ZNF574: variants seen among roughly 807,000 people sequenced by gnomAD.
The protein encoded by ZNF574 is zinc finger protein 574.
Under a neutral mutation model 56.6 loss-of-function variants are expected in ZNF574, and 25 were observed. The observed-to-expected ratio is 0.44, with a 90% CI of 0.32 to 0.62. The LOEUF (loss-of-function observed/expected upper bound fraction) is 0.62, where lower values mean the gene tolerates loss of function less well. Ranked by LOEUF, ZNF574 falls within the 20% of genes least tolerant of loss-of-function variation. The pLI, the probability that ZNF574 is intolerant of heterozygous loss-of-function variation, is 0.04. For synonymous variants in ZNF574, 543 were observed against 492.1 expected, an observed-to-expected ratio of 1.10 and a Z score of -1.37; for missense variants, 1,065 against 1,218.9, an observed-to-expected ratio of 0.87 and a Z score of 1.88.
chr19:42,079,490 G>A lies in ZNF574; in HGVS notation c.884G>A (p.Arg295Lys), dbSNP rs777373521. 2.4e-5 allele frequency: 39 copies of A among 1,613,726 alleles called. No individual in the cohort carries two copies. The highest frequency in any genetic ancestry group is 3.1e-5 in the Non-Finnish European group (37 of 1,180,050). ...GATCGCCGGGGGCGCAGGGCCCGGA[G>A]GAACAACAGTGGAGAAGCAGGCGGG... is the stretch of plus-strand genomic sequence containing the variant. ...GRDRRGRRAR[R>K]NNSGEAGGAA... Residue 295 changes from arginine (R) to lysine (K), a missense_variant, in exon 2 of 2, where the codon AGG becomes AAG. By Grantham distance (26) the Arg-to-Lys change is conservative. Coordinates refer to ENST00000359044, the MANE Select transcript of ZNF574 (RefSeq NM_022752.6). This position sits in a 1 kb window ranked among gnomAD's most constrained non-coding sequence, Gnocchi z 4.3.
In ZNF574 at chr19:42,080,872, C is replaced by A. The variant is rs2076495018; in HGVS notation, c.2266C>A (p.His756Asn). The A allele has an allele frequency of 1.2e-6, 2 of 1,614,122 alleles. No homozygotes were observed. The highest frequency in any genetic ancestry group is 1.7e-6 in the Non-Finnish European group (2 of 1,180,048). ...LFSTETSLQV[H>N]RRIHTGERPY... is the part of the protein sequence containing the mutation. ...CAGCACAGAGACGTCACTGCAGGTG[C>A]ACCGGCGCATCCACACAGGTGAGCG... Residue 756 changes from histidine to asparagine, a missense_variant, in exon 2 of 2, where the codon CAC (histidine) becomes AAC (asparagine). Physicochemically the swap from His to Asn is moderately conservative, Grantham distance 68. Coordinates refer to ENST00000359044, the MANE Select transcript of ZNF574 (RefSeq NM_022752.6). The surrounding 1 kb of genome is among the most constrained non-coding windows in gnomAD (Gnocchi z 8.5).
At position 42,079,184 on chromosome 19, in the gene ZNF574, C is replaced by T. The variant is rs763999017; in HGVS notation, c.578C>T (p.Ala193Val). 139 of 1,613,660 alleles carry T rather than the reference C, an allele frequency of 8.6e-5. No homozygotes were observed. Among genetic ancestry groups the T allele is most frequent in the Non-Finnish European group, 1.1e-4 (128 of 1,179,996 alleles). The change falls in exon 2 of 2, where the codon GCG (alanine) becomes GTG (valine). Residue 193 changes from alanine to valine, a missense_variant. Ala to Val is a moderately conservative substitution (Grantham distance 64, BLOSUM62 0). Coordinates refer to ENST00000359044, the MANE Select transcript of ZNF574 (RefSeq NM_022752.6). The surrounding 1 kb of genome is among the most constrained non-coding windows in gnomAD (Gnocchi z 4.3). ...AAGGCAGAAGAGGGTGGGGAAGGGG[C>T]GACTGTCCCATCTGCCGCTGCCACC... Reference protein sequence around the residue: ...YRKAEEGGEGATVPSAAATTT... With the variant: ...YRKAEEGGEGVTVPSAAATTT...
upstream of ZNF574, among the ~76,000 whole-genome samples, chr19:42,071,614 G>A (rs144798747): frequency 3.3e-5 from 5 of 152,146 alleles, no homozygotes; most frequent in South Asian, 2.1e-4. Flanking sequence ...CATCTACACC[G>A]CCCCCTCAAA....
chr19:42,079,564 T>A lies in ZNF574; in HGVS notation c.958T>A (p.Ser320Thr). ...CTCAGCCTGTGACCAGCTCTTTCTC[T>A]CACCCCACCAGCTACAGCAGCACCT... ...FCSACDQLFLSPHQLQQHLRS... is the reference protein window; with the variant it reads ...FCSACDQLFLTPHQLQQHLRS... The change falls in exon 2 of 2, where the codon TCA (serine) becomes ACA (threonine). Residue 320 changes from serine to threonine, a missense_variant. Ser to Thr is a moderately conservative substitution (Grantham distance 58). Coordinates refer to ENST00000359044, the MANE Select transcript of ZNF574 (RefSeq NM_022752.6). The surrounding 1 kb of genome is among the most constrained non-coding windows in gnomAD (Gnocchi z 4.3). 1 of 1,614,116 alleles carries A rather than the reference T, an allele frequency of 6.2e-7. No individual in the cohort carries two copies. Among genetic ancestry groups the A allele is most frequent in the Non-Finnish European group, 8.5e-7 (1 of 1,180,022 alleles).
Position 42,079,962 on chromosome 19 carries a change from G to A in ZNF574, c.1356G>A (p.Val452=). ...TGEPEAPEPP[V]SEETSAGPAA... ...AGCCAGAGGCCCCTGAGCCCCCTGT[G>A]TCTGAGGAGACCTCAGCAGGGCCCG... The change falls in exon 2 of 2, where the codon GTG becomes GTA. Residue 452 remains valine, a synonymous_variant. Coordinates refer to ENST00000359044, the MANE Select transcript of ZNF574 (RefSeq NM_022752.6). This position sits in a 1 kb window ranked among gnomAD's most constrained non-coding sequence, Gnocchi z 4.3. The A allele has an allele frequency of 6.2e-7, 1 of 1,613,820 alleles. No homozygotes were observed. Among genetic ancestry groups the A allele is most frequent in the South Asian group, 1.1e-5 (1 of 91,080 alleles).
exon 1 of ZNF574, chr19:42,068,797 C>T (rs1219798940): frequency 1.7e-6 from 1 of 579,454 alleles, no homozygotes; most frequent in South Asian, 2.0e-5. Flanking sequence ...AATGGGGGCT[C>T]AAAAGCGGAA....
upstream of ZNF574, among the ~76,000 whole-genome samples, chr19:42,071,703 A>T (rs1327445658): frequency 1.3e-5 from 2 of 152,148 alleles, no homozygotes; most frequent in Non-Finnish European, 2.9e-5. Context: ...AAGGACCTCA[A>T]CACAGAACAC....
At chr19:42,076,546 C>T (rs2076457222) in intron 1 of ZNF574, among the ~76,000 whole-genome samples, 1 of 151,970 alleles carries the variant, frequency 6.6e-6, no homozygotes, top group South Asian at 2.1e-4. Context: ...TGGTGGGGCA[C>T]CTGGGCGGGA....
At chr19:42,071,900 A>AG (rs757537989), upstream of ZNF574, among the ~76,000 whole-genome samples, 2 of 152,016 alleles carry the variant, frequency 1.3e-5, no homozygotes, top group South Asian at 4.2e-4. Context: ...GCTACTTGGG[A>AG]GGCTGAGGCA....
rs1216832968 is a variant in ZNF574, at chr19:42,068,874, A to AT, written c.164dup (p.Met55IlefsTer39). 2 of 685,126 alleles carry AT rather than the reference A, an allele frequency of 2.9e-6. No homozygotes were observed. The highest frequency in any genetic ancestry group is 5.3e-6 in the Non-Finnish European group (2 of 375,060). The allele number at this position is 685,126 out of a possible 1,614,324, so 42.4% of individuals were successfully genotyped here. ...GGCCAAGGCCCACCGCAGGCAGAGG[A>AT]TGAGGCTCAGAGGAACAGAAAGAGC... On this transcript the variant is annotated frameshift_variant, in exon 1 of 2. Transcript: ENST00000222339. LOFTEE classifies it high-confidence loss of function.
intron 1 of ZNF574, among the ~76,000 whole-genome samples, chr19:42,070,166 G>A (rs957765028): frequency 2.0e-5 from 3 of 152,084 alleles, no homozygotes; most frequent in Admixed American, 2.0e-4. Flanking sequence ...GCCGCCGCCT[G>A]CCTGCCCGCC....
chr19:42,079,827 T>A lies in ZNF574; in HGVS notation c.1221T>A (p.Leu407=). ...GKTFVNLTKF[L]YHRRTHGVGG... ...CCTTTGTCAACCTTACCAAGTTCCT[T>A]TATCACCGGCGTACTCATGGGGTAG... Residue 407 remains leucine, a synonymous_variant, in exon 2 of 2, where the codon CTT becomes CTA. Transcript: ENST00000359044. This position sits in a 1 kb window ranked among gnomAD's most constrained non-coding sequence, Gnocchi z 4.3. 1 of 1,614,064 alleles carries A rather than the reference T, an allele frequency of 6.2e-7. No homozygotes were observed. The highest frequency in any genetic ancestry group is 8.5e-7 in the Non-Finnish European group (1 of 1,179,992).
intron 1 of ZNF574, among the ~76,000 whole-genome samples, chr19:42,078,118 A>T (rs1180158808): frequency 1.3e-5 from 2 of 151,950 alleles, no homozygotes; most frequent in African/African-American, 2.4e-5. Context: ...AGCAGAGGCC[A>T]TGGGAGGGGT....
chr19:42,079,531 CTCT>C lies in ZNF574; in HGVS notation c.929_931del (p.Phe310del), dbSNP rs1460843418. ...AGCAGGCGGGGCAGCCACACAGGAG[CTCT>C]TCTGCTCAGCCTGTGACCAGCTCTT... On this transcript the variant is annotated inframe_deletion, in exon 2 of 2. Transcript: ENST00000359044. The surrounding 1 kb of genome is among the most constrained non-coding windows in gnomAD (Gnocchi z 4.3). 2 of 1,614,000 alleles carry C rather than the reference CTCT, an allele frequency of 1.2e-6. No individual in the cohort carries two copies. The highest frequency in any genetic ancestry group is 2.2e-5 in the East Asian group (1 of 44,884).
chr19:42,077,731 A>G (rs2076465708), intron 1 of ZNF574, among the ~76,000 whole-genome samples: 1 of 152,164 alleles, frequency 6.6e-6, no homozygotes, highest in South Asian at 2.1e-4. Flanking sequence ...GGAAGGGCCT[A>G]GGTCCGAAGC....
upstream of ZNF574, among the ~76,000 whole-genome samples, chr19:42,071,632 A>G (rs1213850515): frequency 6.6e-6 from 1 of 151,918 alleles, no homozygotes; most frequent in Non-Finnish European, 1.5e-5. Context: ...AAACATCCAC[A>G]CTTAACTCCA....
chr19:42,079,161 G>A lies in ZNF574; in HGVS notation c.555G>A (p.Lys185=), dbSNP rs759204635. 6.4e-5 allele frequency: 103 copies of A among 1,613,876 alleles called. No individual in the cohort carries two copies. The highest frequency in any genetic ancestry group is 8.6e-5 in the Non-Finnish European group (102 of 1,180,018). ...TGGCTGTGGAGCACTCATACCGAAA[G>A]GCAGAAGAGGGTGGGGAAGGGGCGA... ...ARVAVEHSYR[K]AEEGGEGATV... is the part of the protein sequence containing the mutation. The change falls in exon 2 of 2, where the codon AAG becomes AAA. Residue 185 remains lysine (K), a synonymous_variant. Coordinates refer to ENST00000359044, the MANE Select transcript of ZNF574 (RefSeq NM_022752.6). This position sits in a 1 kb window ranked among gnomAD's most constrained non-coding sequence, Gnocchi z 4.3.
chr19:42,073,523 T>TAAA (rs1285796547), upstream of ZNF574, among the ~76,000 whole-genome samples: 39 of 102,780 alleles, frequency 3.8e-4, no homozygotes, highest in African/African-American at 1.2e-3. Flanking sequence ...CCTATCTCTA[T>TAAA]AAAAAAAAAA....
At chr19:42,069,662 A>T (rs1417656382) in intron 1 of ZNF574, among the ~76,000 whole-genome samples, 1 of 140,302 alleles carries the variant, frequency 7.1e-6, no homozygotes, top group Non-Finnish European at 1.6e-5. Flanking sequence ...TGGGGGGGCC[A>T]CAGGGGGCGA....
Sources: gnomAD v4.1 joint callset for allele counts (sites outside exome capture counted in the v4.1 genomes callset) on GRCh38, gnomAD v4.1.1 for gene constraint, Gnocchi (gnomAD v3.1) non-coding constraint, MANE v1.5 for transcripts, NCBI Gene and HGNC (gene_info 2026-07-23, HGNC 2026-07-21) for gene names.